Variants in OXR1 observed in about 807,000 individuals in gnomAD.
OXR1 encodes oxidation resistance 1.
A neutral mutation model predicts 104.6 loss-of-function variants in OXR1; 41 were observed. The ratio of observed to expected loss-of-function variants is 0.39; its 90% confidence interval spans 0.31 to 0.51. OXR1 has a LOEUF of 0.51. Among genes scored for constraint, OXR1 ranks in the 20% least tolerant of loss-of-function variants. The pLI, the probability that OXR1 is intolerant of heterozygous loss-of-function variation, is 0.77. For missense variants in OXR1, 955 were observed against 1,031.9 expected, an observed-to-expected ratio of 0.93 and a Z score of 1.02; for synonymous variants, 348 against 348.4, an observed-to-expected ratio of 1.00 and a Z score of 0.01.
chr8:106,514,735 T>TA (rs1812752549), intron 2 of OXR1, among the ~76,000 whole-genome samples: 1 of 152,144 alleles, frequency 6.6e-6, no homozygotes, highest in African/African-American at 2.4e-5. Context: ...TATGAGACTT[T>TA]AGATCAATTC....
At chr8:106,516,121 C>T (rs1269019047) in intron 2 of OXR1, among the ~76,000 whole-genome samples, 1 of 152,098 alleles carries the variant, frequency 6.6e-6, no homozygotes. Context: ...CCTCCCTGCT[C>T]CACTAACATC....
At chr8:106,431,370 G>A (rs1298240258) in intron 2 of OXR1, among the ~76,000 whole-genome samples, 1 of 152,176 alleles carries the variant, frequency 6.6e-6, no homozygotes, top group Non-Finnish European at 1.5e-5. Flanking sequence ...GTAACTCAGA[G>A]CTTTTGACTC....
chr8:106,434,170 A>G (rs190086169), intron 2 of OXR1, among the ~76,000 whole-genome samples: 36 of 152,236 alleles, frequency 2.4e-4, no homozygotes, highest in African/African-American at 6.3e-4. Context: ...AATGTTACCC[A>G]TGATTAAATT....
chr8:106,372,015 G>T (rs1250828418), intron 2 of OXR1, among the ~76,000 whole-genome samples: 1 of 152,238 alleles, frequency 6.6e-6, no homozygotes, highest in Non-Finnish European at 1.5e-5. Flanking sequence ...GAGCTCAAAG[G>T]ACTTAGACAG....
chr8:106,378,758 C>T (rs1000450207), intron 2 of OXR1, among the ~76,000 whole-genome samples: 1 of 152,202 alleles, frequency 6.6e-6, no homozygotes, highest in Admixed American at 6.5e-5. Flanking sequence ...ATCCACCCAC[C>T]TCGGCCTCCC....
At chr8:106,566,526 T>C (rs1817088252) in intron 3 of OXR1, among the ~76,000 whole-genome samples, 1 of 152,038 alleles carries the variant, frequency 6.6e-6, no homozygotes, top group South Asian at 2.1e-4. Flanking sequence ...CTCGTGGGAG[T>C]GTAAATTAGT....
At chr8:106,689,535 G>T (rs1020521106) in intron 6 of OXR1, among the ~76,000 whole-genome samples, 1 of 151,852 alleles carries the variant, frequency 6.6e-6, no homozygotes, top group South Asian at 2.1e-4. Flanking sequence ...TAATTATAGA[G>T]AATTTATATT....
intron 2 of OXR1, among the ~76,000 whole-genome samples, chr8:106,396,374 CT>C (rs1185337598): frequency 6.6e-5 from 10 of 152,100 alleles, no homozygotes; most frequent in African/African-American, 1.7e-4. Context: ...CATGTACCCC[CT>C]GATAGGATGT....
chr8:106,554,797 C>T (rs996709459), intron 3 of OXR1, among the ~76,000 whole-genome samples: 1 of 152,126 alleles, frequency 6.6e-6, no homozygotes, highest in Non-Finnish European at 1.5e-5. Context: ...TTAGAATCAG[C>T]AGGGAAGATT....
intron 2 of OXR1, among the ~76,000 whole-genome samples, chr8:106,507,186 TAGAG>T (rs1554584679): frequency 6.6e-6 from 1 of 152,190 alleles, no homozygotes; most frequent in Non-Finnish European, 1.5e-5. Flanking sequence ...TGTTTCAAGA[TAGAG>T]GGAGTGGTTA....
intron 3 of OXR1, among the ~76,000 whole-genome samples, chr8:106,552,119 A>T (rs1041578353): frequency 2.8e-4 from 42 of 152,030 alleles, no homozygotes; most frequent in Non-Finnish European, 5.1e-4. Flanking sequence ...ATTTGTACCG[A>T]ATCAGCTAGG....
intron 1 of OXR1, among the ~76,000 whole-genome samples, chr8:106,349,095 AT>A (rs1434517080): frequency 2.0e-5 from 3 of 152,160 alleles, no homozygotes; most frequent in Non-Finnish European, 4.4e-5. Flanking sequence ...AGTGGAGAGG[AT>A]TCAAGTATTT....
chr8:106,366,644 T>C lies in OXR1; in HGVS notation c.23+7008T>C, dbSNP rs1816480850. Among the ~76,000 whole-genome samples the C allele has an allele frequency of 2.6e-5, 4 of 152,186 alleles. No individual in the cohort carries two copies. The South Asian group carries it at 8.3e-4, about 32-fold the overall frequency. On this transcript the variant is annotated intron_variant, in intron 2 of 16. Coordinates refer to ENST00000517566, the MANE Select transcript of OXR1 (RefSeq NM_001198533.2). ...TTCTAATTTTTTTTAAAAGGAGAACTCTGTGTGATAGGAAAAGCTTAGCTG... is the reference window on the plus strand; with the variant it reads ...TTCTAATTTTTTTTAAAAGGAGAACCCTGTGTGATAGGAAAAGCTTAGCTG...
At chr8:106,394,319 G>T (rs926625471) in intron 2 of OXR1, among the ~76,000 whole-genome samples, 2 of 147,526 alleles carry the variant, frequency 1.4e-5, no homozygotes, top group Non-Finnish European at 3.0e-5. Context: ...AAAAAAAAAA[G>T]ATAAAACAAT....
chr8:106,437,854 T>C (rs1819640863), intron 2 of OXR1, among the ~76,000 whole-genome samples: 2 of 152,172 alleles, frequency 1.3e-5, no homozygotes. Flanking sequence ...AGCTGCAAGA[T>C]GCCTCCTCCT....
intron 2 of OXR1, among the ~76,000 whole-genome samples, chr8:106,465,089 AG>A (rs912403176): frequency 6.6e-6 from 1 of 151,978 alleles, no homozygotes; most frequent in Admixed American, 6.6e-5. Context: ...AAAAAATGGA[AG>A]GGGGATGTAA....
At chr8:106,376,860 T>C (rs1816925552) in intron 2 of OXR1, among the ~76,000 whole-genome samples, 1 of 152,210 alleles carries the variant, frequency 6.6e-6, no homozygotes, top group Non-Finnish European at 1.5e-5. Flanking sequence ...ACCCTTCCTG[T>C]GGGTTCTCAG....
At chr8:106,477,649 A>G (rs566746341) in intron 2 of OXR1, among the ~76,000 whole-genome samples, 23 of 152,084 alleles carry the variant, frequency 1.5e-4, no homozygotes, top group African/African-American at 5.3e-4. Context: ...TTTCTAGGTT[A>G]CAAAGTTCAT....
At chr8:106,448,318 CCCTTT>C in intron 2 of OXR1, among the ~76,000 whole-genome samples, 1 of 152,148 alleles carries the variant, frequency 6.6e-6, no homozygotes, top group Non-Finnish European at 1.5e-5. Flanking sequence ...TGCATACGAT[CCCTTT>C]CAAAGTCATA....
Sources: allele counts gnomAD v4.1 joint callset (sites outside exome capture counted in the v4.1 genomes callset), GRCh38; gene constraint gnomAD v4.1.1; transcripts MANE v1.5; gene names NCBI Gene and HGNC (gene_info 2026-07-23, HGNC 2026-07-21).